The following HDAC9 variants were observed in gnomAD, a reference collection of about 807,000 sequenced individuals.
The protein encoded by HDAC9 is histone deacetylase 9.
Under a neutral mutation model 139.4 loss-of-function variants are expected in HDAC9, and 41 were observed. The observed-to-expected ratio is 0.29, with a 90% CI of 0.23 to 0.38. The LOEUF (loss-of-function observed/expected upper bound fraction) is 0.38. HDAC9 is among the 10% of genes least tolerant of loss of function. The pLI, the probability that HDAC9 is intolerant of heterozygous loss-of-function variation, is 1.00. For missense variants in HDAC9, 1,147 were observed against 1,297.0 expected (o/e 0.88, Z 1.78); for synonymous variants, 517 against 476.2 (o/e 1.09, Z -1.12).
rs10678670 is a variant in HDAC9 at position 18,541,141 on chromosome 7, G to GTTTTTTTTTTTTTTT, written c.23-44129_23-44115dup. Among the ~76,000 whole-genome samples, 2 of 65,452 alleles carry GTTTTTTTTTTTTTTT rather than the reference G, an allele frequency of 3.1e-5. 1 individual carries two copies. Among genetic ancestry groups the GTTTTTTTTTTTTTTT allele is most frequent in the African/African-American group, 1.4e-4 (2 of 14,678 alleles). 42.9% of individuals were successfully genotyped at this position (65,452 alleles called of 152,430 possible). ...GTGTTTCAAATATCCAAGGAACCGT[G>GTTTTTTTTTTTTTTT]TTTTTTTTTTTTTTTTTTTTTTTTT... On this transcript the variant is annotated intron_variant, in intron 2 of 25. Transcript: ENST00000686413.
intron 22 of HDAC9, among the ~76,000 whole-genome samples, chr7:18,875,086 T>C (rs1258643327): frequency 6.6e-6 from 1 of 152,140 alleles, no homozygotes; most frequent in African/African-American, 2.4e-5. Flanking sequence ...CCTCATAATC[T>C]CTACTCGTCT....
chr7:18,906,008 TTTTC>T (rs1426319525), intron 22 of HDAC9, among the ~76,000 whole-genome samples: 4 of 151,660 alleles, frequency 2.6e-5, no homozygotes, highest in Non-Finnish European at 5.9e-5. Context: ...TCTCTTTATT[TTTTC>T]TTTCTTTTTG....
intron 13 of HDAC9, among the ~76,000 whole-genome samples, chr7:18,735,737 C>G (rs1016159775): frequency 6.6e-6 from 1 of 151,978 alleles, no homozygotes; most frequent in African/African-American, 2.4e-5. Flanking sequence ...TGGTTCCATA[C>G]AAAATTTAAA....
chr7:18,415,009 C>T (rs1308648838), intron 1 of HDAC9, among the ~76,000 whole-genome samples: 4 of 152,098 alleles, frequency 2.6e-5, no homozygotes, highest in African/African-American at 9.7e-5. Flanking sequence ...TTTGTTAGTT[C>T]CTCACCCTTC....
At chr7:18,859,682 GT>G (rs990789502) in intron 21 of HDAC9, among the ~76,000 whole-genome samples, 12 of 151,194 alleles carry the variant, frequency 7.9e-5, no homozygotes, top group African/African-American at 2.7e-4. Flanking sequence ...GCTGTAATTT[GT>G]TTTGTGAATT....
chr7:18,330,798 A>G (rs1800861473), intron 1 of HDAC9, among the ~76,000 whole-genome samples: 1 of 151,748 alleles, frequency 6.6e-6, no homozygotes, highest in Admixed American at 6.6e-5. Context: ...TTGGTAATAA[A>G]TTCACAAGCT....
chr7:18,391,388 C>A (rs796930702), intron 1 of HDAC9, among the ~76,000 whole-genome samples: 2 of 150,156 alleles, frequency 1.3e-5, no homozygotes, highest in East Asian at 1.9e-4. Context: ...CCATCCCCCC[C>A]CCAAAAAAAA....
At chr7:18,744,965 T>A (rs1787807322) in intron 13 of HDAC9, among the ~76,000 whole-genome samples, 1 of 152,226 alleles carries the variant, frequency 6.6e-6, no homozygotes. Flanking sequence ...TTTGTGTATT[T>A]TTCAAATTCT....
At chr7:18,763,900 G>C (rs1789603949) in intron 15 of HDAC9, among the ~76,000 whole-genome samples, 1 of 152,126 alleles carries the variant, frequency 6.6e-6, no homozygotes, top group African/African-American at 2.4e-5. Context: ...TGATCAAATT[G>C]TGAATATAAA....
chr7:18,786,417 T>C (rs574486519), intron 16 of HDAC9, among the ~76,000 whole-genome samples: 2 of 149,946 alleles, frequency 1.3e-5, no homozygotes, highest in Non-Finnish European at 3.0e-5. Flanking sequence ...AATAGTACCA[T>C]GTGCTTCTGA....
At position 18,829,494 on chromosome 7, in the gene HDAC9, C is replaced by T. The variant is rs373546158; in HGVS notation, c.2412C>T (p.Thr804=). Residue 804 remains threonine (T), a synonymous_variant, in exon 19 of 26, where the codon ACC becomes ACT. Coordinates refer to ENST00000686413, the MANE Select transcript of HDAC9 (RefSeq NM_178425.4). ...GCTTTTTTAATTCAGTTGCAATTAC[C>T]GCCAAATACTTGAGAGACCAACTAA... ...GFCFFNSVAI[T]AKYLRDQLNI... is the part of the protein sequence containing the mutation. 3.3e-5 allele frequency: 53 copies of T among 1,612,494 alleles called. No individual in the cohort carries two copies. The highest frequency in any genetic ancestry group is 9.3e-5 in the African/African-American group (7 of 74,962).
chr7:18,491,554 A>G (rs370700636), upstream of HDAC9, among the ~76,000 whole-genome samples: 291 of 152,178 alleles, frequency 1.9e-3, 1 homozygote, highest in African/African-American at 5.7e-3. Context: ...AACAACACGC[A>G]TATAGTTACC....
At chr7:18,495,403 A>G (rs1051503445), upstream of HDAC9, among the ~76,000 whole-genome samples, 3 of 152,118 alleles carry the variant, frequency 2.0e-5, no homozygotes, top group African/African-American at 4.8e-5. Context: ...TCTTAGAATT[A>G]TGATTCTTAA....
At chr7:18,938,062 A>G (rs754223632) in intron 23 of HDAC9, among the ~76,000 whole-genome samples, 2 of 152,120 alleles carry the variant, frequency 1.3e-5, no homozygotes, top group Non-Finnish European at 2.9e-5. Flanking sequence ...CCTTGCTGCC[A>G]TTCTATGACC....
At chr7:18,968,702 G>A (rs1784045838) in intron 24 of HDAC9, among the ~76,000 whole-genome samples, 1 of 152,124 alleles carries the variant, frequency 6.6e-6, no homozygotes, top group South Asian at 2.1e-4. Flanking sequence ...GCTCACGCCT[G>A]TAATCCCAGC....
chr7:18,839,448 T>G (rs1796446198), intron 21 of HDAC9, among the ~76,000 whole-genome samples: 1 of 152,044 alleles, frequency 6.6e-6, no homozygotes, highest in Non-Finnish European at 1.5e-5. Context: ...CATGCCCGCA[T>G]AGCCTCCCAA....
intron 1 of HDAC9, among the ~76,000 whole-genome samples, chr7:18,487,520 A>G (rs778629629): frequency 1.3e-5 from 2 of 152,174 alleles, no homozygotes; most frequent in South Asian, 2.1e-4. Flanking sequence ...GAAGTCCTGA[A>G]GTAGAGAAGA....
At chr7:18,198,533 T>A (rs746446117) in intron 2 of HDAC9, among the ~76,000 whole-genome samples, 2 of 152,206 alleles carry the variant, frequency 1.3e-5, no homozygotes, top group African/African-American at 2.4e-5. Context: ...TTTCTAGATA[T>A]GTTAACATCA....
At chr7:18,917,465 CTGAT>C (rs34840095) in intron 22 of HDAC9, among the ~76,000 whole-genome samples, 23,684 of 151,902 alleles carry the variant, frequency 0.16, 2,259 homozygotes, top group East Asian at 0.36. Flanking sequence ...AAGACAGTAT[CTGAT>C]TGAGCAAATT....
Sources: allele counts gnomAD v4.1 joint callset (sites outside exome capture counted in the v4.1 genomes callset), GRCh38; gene constraint gnomAD v4.1.1; transcripts MANE v1.5; gene names NCBI Gene and HGNC (gene_info 2026-07-23, HGNC 2026-07-21).